The following PAK6 variants were observed in gnomAD, a reference collection of about 807,000 sequenced individuals.
The protein encoded by PAK6 is p21 (RAC1) activated kinase 6, also known as serine/threonine-protein kinase PAK 6.
Under a neutral mutation model 60.8 loss-of-function variants are expected in PAK6, and 33 were observed. The ratio of observed to expected loss-of-function variants is 0.54; its 90% CI spans 0.41 to 0.73. The LOEUF (loss-of-function observed/expected upper bound fraction) is 0.73, where lower values mean the gene tolerates loss of function less well. Among genes scored for constraint, PAK6 ranks in the 30% least tolerant of loss-of-function variants. The pLI, the probability that PAK6 is intolerant of heterozygous loss-of-function variation, is 0.00. For missense variants in PAK6, 845 were observed against 904.1 expected, an observed-to-expected ratio of 0.93 and a Z score of 0.84; for synonymous variants, 404 against 378.5, an observed-to-expected ratio of 1.07 and a Z score of -0.78.
At chr15:40,264,721 G>T in intron 3 of PAK6, 60 bp from the exon 4 acceptor site, 2 of 1,479,386 alleles carry the variant, frequency 1.4e-6, no homozygotes, top group Non-Finnish European at 1.9e-6. Context: ...GGTGCCCCAG[G>T]CCCTGCTGCA....
intron 8 of PAK6, 33 bp from the exon 9 acceptor site, chr15:40,273,518 C>A (rs748517328): frequency 1.2e-6 from 2 of 1,613,790 alleles, no homozygotes; most frequent in Non-Finnish European, 1.7e-6. Context: ...CCACTTCCTC[C>A]TGATCCACCA....
chr15:40,245,491 A>G (rs1283731107), intron 2 of PAK6: 1 of 152,256 alleles, frequency 6.6e-6, no homozygotes, highest in Admixed American at 6.5e-5. Flanking sequence ...GGAATTGTGC[A>G]AGAAAGCACA....
intron 5 of PAK6, among the ~76,000 whole-genome samples, chr15:40,267,577 T>C (rs182806178): frequency 6.6e-6 from 1 of 152,116 alleles, no homozygotes; most frequent in African/African-American, 2.4e-5. Flanking sequence ...GAGAATGGCG[T>C]GAACCCGGGA....
intron 10 of PAK6, among the ~76,000 whole-genome samples, chr15:40,275,432 C>T (rs1030895824): frequency 3.3e-5 from 5 of 151,518 alleles, no homozygotes; most frequent in Admixed American, 1.3e-4. Flanking sequence ...ATTACAGGCA[C>T]GTGCCACCAT....
intron 5 of PAK6, among the ~76,000 whole-genome samples, chr15:40,269,719 C>T (rs915808669): frequency 1.3e-5 from 2 of 152,230 alleles, no homozygotes; most frequent in African/African-American, 4.8e-5. Flanking sequence ...GACTCCCCAG[C>T]CTATGTCCCA....
chr15:40,264,860 C>A, exon 4 of PAK6: 3 of 1,614,046 alleles, frequency 1.9e-6, no homozygotes, highest in Admixed American at 1.7e-5. Flanking sequence ...TCCACACCTC[C>A]TTCGACCCCA....
intron 3 of PAK6, among the ~76,000 whole-genome samples, chr15:40,258,273 G>A (rs552117042): frequency 2.2e-4 from 33 of 152,326 alleles, no homozygotes; most frequent in African/African-American, 7.2e-4. Flanking sequence ...CATCTTGCCC[G>A]TTTCTGTTCA....
chr15:40,252,518 G>A (rs1271024194), intron 2 of PAK6: 1 of 1,363,270 alleles, frequency 7.3e-7, no homozygotes, highest in Admixed American at 1.9e-5. Flanking sequence ...GTTCGCCGCC[G>A]CGTCCTACCT....
At chr15:40,253,386 C>T in intron 3 of PAK6, 97 bp downstream of exon 3, 1 of 410,988 alleles carries the variant, frequency 2.4e-6, no homozygotes, top group Admixed American at 2.7e-5. Context: ...CCCTCCTGGG[C>T]TGGCTCCTTC....
At chr15:40,240,660 C>T (rs2038302782) in exon 2 of PAK6, 1 of 452,040 alleles carries the variant, frequency 2.2e-6, no homozygotes, top group African/African-American at 2.0e-5. Flanking sequence ...CAGGACCCCG[C>T]TGCCCAGAAG....
At position 40,273,773 on chromosome 15, in the gene PAK6, C is replaced by G. The variant is rs962695901; in HGVS notation, c.1743+97C>G. The G allele has an allele frequency of 1.3e-5, 19 of 1,454,832 alleles. No individual in the cohort carries two copies. The African/African-American group carries it at 2.5e-4, about 19-fold the overall frequency. 90.1% of individuals were successfully genotyped at this position (1,454,832 alleles called of 1,614,324 possible). A position where few individuals can be genotyped will look rare whatever the true frequency, so the allele number is the denominator to read the frequency against. ...CTCCAGTGAGCTCACCAAAAGCAGC[C>G]CTGGTTTTCAGAGTCCCACCTAGTC... On this transcript the variant is annotated intron_variant, in intron 9 of 10. Transcript: ENST00000560346.
At chr15:40,276,936 A>G (rs183657807) in exon 11 of PAK6, 5 of 151,974 alleles carry the variant, frequency 3.3e-5, no homozygotes, top group Non-Finnish European at 5.9e-5. Flanking sequence ...TCCTGTGTCT[A>G]CCTGGCCAGT....
At chr15:40,265,854 G>T in exon 5 of PAK6, 1 of 1,540,460 alleles carries the variant, frequency 6.5e-7, no homozygotes, top group South Asian at 1.3e-5. Flanking sequence ...AGTGGTGCGG[G>T]GCAGCGCGAT....
At chr15:40,270,949 G>A (rs1258982675) in intron 5 of PAK6, among the ~76,000 whole-genome samples, 1 of 152,218 alleles carries the variant, frequency 6.6e-6, no homozygotes, top group Non-Finnish European at 1.5e-5. Context: ...AGACTCTGGT[G>A]GGGCCCAAGG....
intron 2 of PAK6, 25 bp downstream of exon 2, chr15:40,240,706 G>A (rs1335818001): frequency 9.1e-6 from 4 of 437,802 alleles, no homozygotes; most frequent in South Asian, 3.2e-5. Context: ...GCCGCTGCGT[G>A]CTCCGGATTC....
At chr15:40,262,043 G>A (rs1273925569) in intron 3 of PAK6, among the ~76,000 whole-genome samples, 1 of 104,432 alleles carries the variant, frequency 9.6e-6, no homozygotes, top group Non-Finnish European at 2.1e-5. Flanking sequence ...GGAGAGGGCT[G>A]TTCTGGGGTG....
At chr15:40,260,228 A>T (rs1013838404) in intron 3 of PAK6, 1 of 151,966 alleles carries the variant, frequency 6.6e-6, no homozygotes, top group African/African-American at 2.4e-5. Context: ...CAGCTTTATT[A>T]TTTTACCTTT....
chr15:40,261,823 T>A (rs2038993316), intron 3 of PAK6, among the ~76,000 whole-genome samples: 1 of 152,098 alleles, frequency 6.6e-6, no homozygotes, highest in Admixed American at 6.6e-5. Flanking sequence ...ACCCTCACCA[T>A]CACCACTCCT....
intron 2 of PAK6, among the ~76,000 whole-genome samples, chr15:40,248,603 C>T (rs1012482067): frequency 1.3e-5 from 2 of 152,174 alleles, no homozygotes; most frequent in African/African-American, 4.8e-5. Flanking sequence ...GAAAGCCTAG[C>T]ACCTGATTCC....
Sources: gnomAD v4.1 joint callset for allele counts (sites outside exome capture counted in the v4.1 genomes callset) on GRCh38, gnomAD v4.1.1 for gene constraint, MANE v1.5 for transcripts, NCBI Gene and HGNC (gene_info 2026-07-23, HGNC 2026-07-21) for gene names.